The following ZEB1 variants were observed in gnomAD, a reference collection of about 807,000 sequenced individuals.
The protein encoded by ZEB1 is zinc finger E-box-binding homeobox 1.
ZEB1 carries 21 observed loss-of-function variants against 84.9 expected under a neutral mutation model. The observed-to-expected ratio is 0.25, with a 90% CI of 0.18 to 0.36. The LOEUF (loss-of-function observed/expected upper bound fraction) is 0.36, where lower values mean the gene tolerates loss of function less well. Ranked by LOEUF, ZEB1 falls within the 10% of genes least tolerant of loss-of-function variation. ZEB1 has a pLI of 1.00. For missense variants in ZEB1, 1,104 were observed against 1,330.2 expected, an observed-to-expected ratio of 0.83 and a Z score of 2.65; for synonymous variants, 420 against 471.1, an observed-to-expected ratio of 0.89 and a Z score of 1.41.
intron 1 of ZEB1, among the ~76,000 whole-genome samples, chr10:31,449,987 G>C (rs149909776): frequency 1.3e-5 from 2 of 152,294 alleles, no homozygotes; most frequent in East Asian, 3.9e-4. Context: ...GACAAGGCTA[G>C]TAAGCAGTGA....
chr10:31,391,465 T>G (rs796111160), intron 1 of ZEB1, among the ~76,000 whole-genome samples: 4 of 152,208 alleles, frequency 2.6e-5, no homozygotes, highest in African/African-American at 7.2e-5. Context: ...TTACTGTCAT[T>G]TGAAAGCTGT....
chr10:31,446,191 A>G (rs1456056457), intron 1 of ZEB1, among the ~76,000 whole-genome samples: 5 of 152,160 alleles, frequency 3.3e-5, no homozygotes, highest in Non-Finnish European at 5.9e-5. Flanking sequence ...TAGATTTTCT[A>G]GTTTATTTGC....
In ZEB1 at chr10:31,402,110, C is replaced by CTGTTGTTGT. The variant is rs541378977; in HGVS notation, c.59-58907_59-58899dup. The stretch of plus-strand genomic sequence containing the variant: ...CAGTATTTTGTTGTTGTTGTTGTTG[C>CTGTTGTTGT]TGTTGTTGTTGTTGTTGTTGTTGTT... On this transcript the variant is annotated intron_variant, in intron 1 of 8. Coordinates refer to ENST00000424869, the MANE Select transcript of ZEB1 (RefSeq NM_001174096.2). 1.1e-3 allele frequency among the ~76,000 whole-genome samples: 160 copies of CTGTTGTTGT among 151,028 alleles called. 1 individual carries two copies. Among genetic ancestry groups the CTGTTGTTGT allele is most frequent in the African/African-American group, 3.5e-3 (143 of 41,100 alleles).
intron 1 of ZEB1, among the ~76,000 whole-genome samples, chr10:31,404,634 A>G: frequency 6.6e-6 from 1 of 152,154 alleles, no homozygotes; most frequent in Non-Finnish European, 1.5e-5. Flanking sequence ...CTTTTCTTGT[A>G]AAGATTAGGT....
intron 1 of ZEB1, among the ~76,000 whole-genome samples, chr10:31,361,543 C>G (rs1056544645): frequency 3.3e-5 from 5 of 152,256 alleles, no homozygotes; most frequent in African/African-American, 1.2e-4. Context: ...AGAGACCCTC[C>G]TCACTTCCCA....
intron 5 of ZEB1, among the ~76,000 whole-genome samples, chr10:31,511,114 T>C (rs574316760): frequency 6.6e-6 from 1 of 152,254 alleles, no homozygotes; most frequent in Non-Finnish European, 1.5e-5. Flanking sequence ...GGTAAGACCC[T>C]TTCCATCTTG....
chr10:31,389,521 T>C (rs1453346401), intron 1 of ZEB1: 1 of 152,174 alleles, frequency 6.6e-6, no homozygotes, highest in Non-Finnish European at 1.5e-5. Flanking sequence ...TTCCCTGGCA[T>C]GATCATGCTC....
intron 1 of ZEB1, among the ~76,000 whole-genome samples, chr10:31,326,507 T>C (rs528488265): frequency 2.6e-5 from 4 of 152,168 alleles, no homozygotes; most frequent in Non-Finnish European, 5.9e-5. Context: ...TGAAGTGGAA[T>C]AATTTTGGAC....
intron 1 of ZEB1, among the ~76,000 whole-genome samples, chr10:31,378,837 A>G (rs867411360): frequency 7.2e-5 from 11 of 152,192 alleles, no homozygotes; most frequent in South Asian, 2.1e-4. Context: ...GATAACCACT[A>G]GAACAGTGGT....
chr10:31,406,527 A>G (rs2053090221), intron 1 of ZEB1, among the ~76,000 whole-genome samples: 3 of 151,174 alleles, frequency 2.0e-5, no homozygotes, highest in Non-Finnish European at 2.9e-5. Flanking sequence ...TCCTTTGCCC[A>G]CTTTTTGATG....
chr10:31,454,589 A>G (rs928039475), intron 1 of ZEB1, among the ~76,000 whole-genome samples: 5 of 152,214 alleles, frequency 3.3e-5, no homozygotes, highest in African/African-American at 9.6e-5. Flanking sequence ...TACAAAATCA[A>G]TGTGCAAAAA....
chr10:31,461,249 T>C lies in ZEB1; in HGVS notation c.259+12T>C. On this transcript the variant is annotated intron_variant, in intron 2 of 8. Transcript: ENST00000424869. ...CTGGGAGGATGACAGTAAGTCTGAT[T>C]TTTTTTTGTAATATTGTATTCTCAT... The C allele has an allele frequency of 6.2e-7, 1 of 1,603,354 alleles. No homozygotes were observed. The highest frequency in any genetic ancestry group is 8.5e-7 in the Non-Finnish European group (1 of 1,174,050).
chr10:31,443,494 G>A (rs1253510525), intron 1 of ZEB1, among the ~76,000 whole-genome samples: 1 of 149,962 alleles, frequency 6.7e-6, no homozygotes, highest in African/African-American at 2.5e-5. Flanking sequence ...CATGTGCCAT[G>A]CTGGTGCGCT....
intron 1 of ZEB1, among the ~76,000 whole-genome samples, chr10:31,449,437 C>G (rs1274539327): frequency 1.3e-5 from 2 of 152,136 alleles, no homozygotes; most frequent in Non-Finnish European, 2.9e-5. Flanking sequence ...TGGCTCCTCT[C>G]TGCCTATATT....
chr10:31,390,144 C>T (rs2049369226), intron 1 of ZEB1, among the ~76,000 whole-genome samples: 1 of 152,080 alleles, frequency 6.6e-6, no homozygotes, highest in African/African-American at 2.4e-5. Flanking sequence ...AATTTTGTCC[C>T]ATGCTATATT....
At chr10:31,468,873 G>C (rs1052134543) in intron 2 of ZEB1, among the ~76,000 whole-genome samples, 4 of 152,120 alleles carry the variant, frequency 2.6e-5, no homozygotes, top group Non-Finnish European at 5.9e-5. Flanking sequence ...GGAAGAAATA[G>C]AATGTTGTGA....
chr10:31,429,662 T>C (rs1016399146), intron 1 of ZEB1, among the ~76,000 whole-genome samples: 2 of 150,440 alleles, frequency 1.3e-5, no homozygotes, highest in Admixed American at 6.6e-5. Flanking sequence ...AACCTGCACT[T>C]GTACCCCTGA....
chr10:31,487,597 G>A (rs1238260808), intron 2 of ZEB1, among the ~76,000 whole-genome samples: 1 of 151,042 alleles, frequency 6.6e-6, no homozygotes, highest in Non-Finnish European at 1.5e-5. Context: ...CTGCAAATAG[G>A]GACATTTTTA....
At chr10:31,321,461 C>G in intron 1 of ZEB1, 1 of 1,613,878 alleles carries the variant, frequency 6.2e-7, no homozygotes, top group South Asian at 1.1e-5. Flanking sequence ...TTTTAATTTC[C>G]TGTTTTAGCG....
Sources: allele counts gnomAD v4.1 joint callset (sites outside exome capture counted in the v4.1 genomes callset), GRCh38; gene constraint gnomAD v4.1.1; transcripts MANE v1.5; gene names NCBI Gene and HGNC (gene_info 2026-07-23, HGNC 2026-07-21).